Variants in ELMOD1 observed in about 807,000 individuals in gnomAD.
ELMOD1 encodes the protein ELMO domain containing 1.
In ELMOD1, 21 loss-of-function variants were observed where a neutral mutation model predicts 46.7. The observed-to-expected ratio is 0.45, with a 90% confidence interval of 0.32 to 0.65. ELMOD1 has a LOEUF of 0.65. ELMOD1 is among the 30% of genes least tolerant of loss of function. ELMOD1 has a pLI of 0.04. For missense variants in ELMOD1, 348 were observed against 407.8 expected (o/e 0.85, Z 1.26); for synonymous variants, 122 against 138.2 (o/e 0.88, Z 0.82).
At chr11:107,622,109 AG>A (rs1240461101) in intron 2 of ELMOD1, among the ~76,000 whole-genome samples, 1 of 152,228 alleles carries the variant, frequency 6.6e-6, no homozygotes, top group Admixed American at 6.5e-5. Flanking sequence ...TACAAAACTA[AG>A]ATATATAAAA....
rs556133030 is a variant in ELMOD1 at position 107,627,331 on chromosome 11, G to A, written c.18-3086G>A. Among the ~76,000 whole-genome samples the A allele has an allele frequency of 2.0e-5, 3 of 152,326 alleles. No individual in the cohort carries two copies. In the South Asian group the frequency reaches 6.2e-4, roughly 32 times the overall value. On this transcript the variant is annotated intron_variant, in intron 2 of 11. Transcript: ENST00000265840. ...AATTCAAATGTGCACAATTGAAATT[G>A]TTTATGATTATGTGAGAGAGATGTG... is the stretch of plus-strand genomic sequence containing the variant.
At chr11:107,602,201 T>C (rs1865612145) in intron 1 of ELMOD1, among the ~76,000 whole-genome samples, 1 of 152,158 alleles carries the variant, frequency 6.6e-6, no homozygotes, top group Non-Finnish European at 1.5e-5. Context: ...GTTGACAAAA[T>C]GAATGCTCCT....
At chr11:107,649,108 A>C (rs1396256799) in intron 7 of ELMOD1, among the ~76,000 whole-genome samples, 1 of 152,204 alleles carries the variant, frequency 6.6e-6, no homozygotes, top group African/African-American at 2.4e-5. Flanking sequence ...ATATTAATGA[A>C]TGGAAAGTAA....
chr11:107,666,235 G>A lies in ELMOD1; in HGVS notation c.*1038G>A, dbSNP rs1866843056. The stretch of plus-strand genomic sequence containing the variant: ...ACTTCATTGGCTTGGATGCCTAAGT[G>A]TATGATGCTTGAAGCCTCAGAAAAG... On this transcript the variant is annotated 3_prime_UTR_variant, in exon 12 of 12. Transcript: ENST00000265840. 1 of 152,158 alleles carries A rather than the reference G, an allele frequency of 6.6e-6. No homozygotes were observed. The highest frequency in any genetic ancestry group is 2.4e-5 in the African/African-American group (1 of 41,444). The allele number at this position is 152,158 out of a possible 1,614,324, so 9.4% of individuals were successfully genotyped here.
intron 5 of ELMOD1, among the ~76,000 whole-genome samples, chr11:107,635,090 C>G (rs896679411): frequency 6.6e-6 from 1 of 152,178 alleles, no homozygotes; most frequent in African/African-American, 2.4e-5. Context: ...TGTTTCACTT[C>G]ATTTTGTTTT....
intron 1 of ELMOD1, among the ~76,000 whole-genome samples, chr11:107,593,594 T>C (rs1355288614): frequency 1.3e-5 from 2 of 152,306 alleles, no homozygotes; most frequent in East Asian, 3.9e-4. Flanking sequence ...AAAGGAAGCG[T>C]TCTCCGAGTC....
intron 4 of ELMOD1, 39 bp downstream of exon 4, chr11:107,630,767 G>A: frequency 6.4e-7 from 1 of 1,565,054 alleles, no homozygotes; most frequent in South Asian, 1.2e-5. Context: ...TTTTTCACTT[G>A]GAAGCTTACC....
chr11:107,625,526 A>G (rs757522864), intron 2 of ELMOD1: 1 of 985,434 alleles, frequency 1.0e-6, no homozygotes, highest in Non-Finnish European at 1.2e-6. Flanking sequence ...ATAGTGTTGC[A>G]TTACAGGTAC....
Position 107,611,401 on chromosome 11 carries a change from T to C in ELMOD1, c.-85-6704T>C, listed in dbSNP as rs535581230. Among the ~76,000 whole-genome samples, 3 of 152,072 alleles carry C rather than the reference T, an allele frequency of 2.0e-5. No individual in the cohort carries two copies. In the East Asian group the frequency reaches 5.8e-4, roughly 29 times the overall value. ...TTCAACATCCAAAAAACAAATCACC[T>C]CATTAAAAAGTGGCCAAGGCTGGGT... is the stretch of plus-strand genomic sequence containing the variant. On this transcript the variant is annotated intron_variant, in intron 1 of 11. Transcript: ENST00000265840.
chr11:107,606,714 A>T (rs1455842806), intron 1 of ELMOD1, among the ~76,000 whole-genome samples: 1 of 152,120 alleles, frequency 6.6e-6, no homozygotes, highest in Non-Finnish European at 1.5e-5. Context: ...GTGCGCCTGT[A>T]ATCCCAGCTA....
chr11:107,623,045 T>C (rs7930509), intron 2 of ELMOD1, among the ~76,000 whole-genome samples: 3,686 of 152,294 alleles, frequency 0.024, 163 homozygotes, highest in African/African-American at 0.084. Flanking sequence ...TACATATGTA[T>C]ACATGTGCCA....
At chr11:107,600,374 A>G (rs955821578) in intron 1 of ELMOD1, 2 of 152,214 alleles carry the variant, frequency 1.3e-5, no homozygotes, top group Non-Finnish European at 2.9e-5. Context: ...CAGTAACAAC[A>G]ACAAATTAGG....
chr11:107,656,440 G>A (rs1034703091), intron 11 of ELMOD1, among the ~76,000 whole-genome samples: 15 of 147,144 alleles, frequency 1.0e-4, no homozygotes, highest in African/African-American at 3.5e-4. Flanking sequence ...AAAAATACAT[G>A]ATATATATAA....
rs1387023059 is a variant in ELMOD1, at chr11:107,666,642, A to T, written c.*1445A>T. The stretch of plus-strand genomic sequence containing the variant: ...GTATTTACCATGGCATTTCATACCC[A>T]TGGTATTTTATACCTTCTGACTATC... On this transcript the variant is annotated 3_prime_UTR_variant, in exon 12 of 12. Coordinates refer to ENST00000265840, the MANE Select transcript of ELMOD1 (RefSeq NM_018712.4). 6.6e-6 allele frequency: 1 copy of T among 152,654 alleles called. No homozygotes were observed. 9.5% of individuals were successfully genotyped at this position (152,654 alleles called of 1,614,324 possible). A position where few individuals can be genotyped will look rare whatever the true frequency, so the allele number is the denominator to read the frequency against.
intron 6 of ELMOD1, among the ~76,000 whole-genome samples, chr11:107,641,736 G>A (rs1591127330): frequency 6.6e-6 from 1 of 152,158 alleles, no homozygotes; most frequent in Non-Finnish European, 1.5e-5. Flanking sequence ...GATTATTTAA[G>A]TATTACTAAT....
At chr11:107,624,976 C>T (rs560598501) in intron 2 of ELMOD1, among the ~76,000 whole-genome samples, 4 of 152,060 alleles carry the variant, frequency 2.6e-5, no homozygotes, top group Non-Finnish European at 5.9e-5. Context: ...GTGAAAAAAC[C>T]ACAGGGCCCC....
intron 11 of ELMOD1, among the ~76,000 whole-genome samples, chr11:107,663,690 TTAAAA>T (rs1424955270): frequency 6.6e-6 from 1 of 152,196 alleles, no homozygotes; most frequent in Admixed American, 6.5e-5. Context: ...TAATTTTGTA[TTAAAA>T]TAAAATATGA....
intron 1 of ELMOD1, among the ~76,000 whole-genome samples, chr11:107,604,364 C>T (rs548203109): frequency 6.6e-6 from 1 of 152,266 alleles, no homozygotes; most frequent in Admixed American, 6.5e-5. Flanking sequence ...ATTACTTAAC[C>T]TGGCTTAACT....
intron 6 of ELMOD1, among the ~76,000 whole-genome samples, chr11:107,645,326 T>C (rs1043522838): frequency 2.6e-5 from 4 of 151,832 alleles, no homozygotes; most frequent in Non-Finnish European, 4.4e-5. Context: ...TTCTGGTTTT[T>C]GTTTTTTGTT....
Sources: allele counts gnomAD v4.1 joint callset (sites outside exome capture counted in the v4.1 genomes callset), GRCh38; gene constraint gnomAD v4.1.1; transcripts MANE v1.5; gene names NCBI Gene and HGNC (gene_info 2026-07-23, HGNC 2026-07-21).